Variants in GPHN observed in about 807,000 individuals in gnomAD.
GPHN encodes the protein gephyrin.
GPHN carries 17 observed loss-of-function variants against 95.5 expected under a neutral mutation model. The observed-to-expected ratio is 0.18, with a 90% CI of 0.12 to 0.27. The LOEUF (loss-of-function observed/expected upper bound fraction) is 0.27. GPHN is among the 10% of genes least tolerant of loss of function. The pLI is 1.00. For synonymous variants in GPHN, 320 were observed against 322.5 expected, an observed-to-expected ratio of 0.99 and a Z score of 0.08; for missense variants, 660 against 978.1, an observed-to-expected ratio of 0.67 and a Z score of 4.34.
At chr14:67,314,786 A>AT in the GPHN span, among the ~76,000 whole-genome samples, 6 of 152,172 alleles carry the variant, frequency 3.9e-5, no homozygotes, top group Non-Finnish European at 7.4e-5. Context: ...AATTAGACAG[A>AT]TTTTTTTAAG....
intron 2 of GPHN, among the ~76,000 whole-genome samples, chr14:66,743,947 C>T (rs1199194414): frequency 2.6e-5 from 4 of 152,068 alleles, no homozygotes; most frequent in African/African-American, 9.7e-5. Context: ...TTAAATGAAA[C>T]GATTACATTT....
chr14:66,757,786 T>C (rs950098906), intron 2 of GPHN, among the ~76,000 whole-genome samples: 6 of 152,198 alleles, frequency 3.9e-5, no homozygotes, highest in African/African-American at 1.2e-4. Flanking sequence ...AACATTATAG[T>C]TATTTTTACC....
intron 1 of GPHN, among the ~76,000 whole-genome samples, chr14:66,667,007 A>T (rs775014709): frequency 2.0e-5 from 3 of 152,210 alleles, no homozygotes; most frequent in Non-Finnish European, 4.4e-5. Flanking sequence ...TACAAGTGAG[A>T]GCCAGATCAT....
At chr14:67,457,356 G>A in the GPHN span, among the ~76,000 whole-genome samples, 9 of 152,360 alleles carry the variant, frequency 5.9e-5, no homozygotes, top group East Asian at 1.5e-3. Context: ...CAGCTTGGGA[G>A]GCTGAAGTGG....
At chr14:67,293,882 G>A in the GPHN span, among the ~76,000 whole-genome samples, 2 of 152,144 alleles carry the variant, frequency 1.3e-5, no homozygotes, top group African/African-American at 4.8e-5. Context: ...ACAACAATGG[G>A]TGAAGAAGAG....
chr14:66,890,533 C>G (rs1452268874), intron 5 of GPHN, among the ~76,000 whole-genome samples: 1 of 151,190 alleles, frequency 6.6e-6, no homozygotes, highest in Non-Finnish European at 1.5e-5. Context: ...TTTCCAAAAT[C>G]TTTTCCAAAA....
chr14:67,037,554 A>C (rs2074483302), intron 10 of GPHN, among the ~76,000 whole-genome samples: 2 of 151,982 alleles, frequency 1.3e-5, no homozygotes, highest in Non-Finnish European at 2.9e-5. Flanking sequence ...ATATCTGATA[A>C]GGGGTTAATA....
chr14:66,651,889 C>A (rs1353595613), intron 1 of GPHN, among the ~76,000 whole-genome samples: 1 of 151,608 alleles, frequency 6.6e-6, no homozygotes, highest in Non-Finnish European at 1.5e-5. Context: ...CTCACTGATT[C>A]AACATTATGG....
the GPHN span, among the ~76,000 whole-genome samples, chr14:67,602,316 G>C: frequency 2.6e-5 from 4 of 152,130 alleles, no homozygotes; most frequent in Non-Finnish European, 2.9e-5. Context: ...ACCAGCATGG[G>C]GGAAATCCGT....
At chr14:67,509,858 A>C in the GPHN span, among the ~76,000 whole-genome samples, 2 of 152,122 alleles carry the variant, frequency 1.3e-5, no homozygotes, top group Non-Finnish European at 2.9e-5. Context: ...CCATATAAAC[A>C]ATTTTAAAAG....
At chr14:67,182,417 G>A (rs7161087), downstream of GPHN, among the ~76,000 whole-genome samples, 582 of 152,162 alleles carry the variant, frequency 3.8e-3, 5 homozygotes, top group African/African-American at 0.013. Context: ...TGGCCTACTA[G>A]TAAACAAAAT....
At chr14:67,724,609 A>G in the GPHN span, 1 of 1,553,240 alleles carries the variant, frequency 6.4e-7, no homozygotes, top group Non-Finnish European at 8.9e-7. Context: ...TTTCCCCTTT[A>G]GTCTCCAAAG....
intron 9 of GPHN, among the ~76,000 whole-genome samples, chr14:67,013,548 G>A (rs2073129740): frequency 6.6e-6 from 1 of 151,970 alleles, no homozygotes. Flanking sequence ...GTAATACTAG[G>A]CATCAGAATG....
chr14:67,201,019 G>C, the GPHN span, among the ~76,000 whole-genome samples: 2 of 152,148 alleles, frequency 1.3e-5, no homozygotes, highest in African/African-American at 4.8e-5. Flanking sequence ...AATTAGGCTG[G>C]GTGCAGTGGC....
intron 1 of GPHN, among the ~76,000 whole-genome samples, chr14:66,604,148 CAT>C (rs1409247518): frequency 6.6e-6 from 1 of 151,982 alleles, no homozygotes; most frequent in African/African-American, 2.4e-5. Context: ...ATAGAGTCCT[CAT>C]GTGTCATAGA....
intron 8 of GPHN, among the ~76,000 whole-genome samples, chr14:66,954,111 A>G (rs1008712237): frequency 6.6e-6 from 1 of 150,994 alleles, no homozygotes; most frequent in African/African-American, 2.4e-5. Context: ...AGATTGTTTT[A>G]GCTATTAGGT....
the GPHN span, among the ~76,000 whole-genome samples, chr14:67,328,631 A>C: frequency 6.6e-6 from 1 of 152,162 alleles, no homozygotes; most frequent in Non-Finnish European, 1.5e-5. Flanking sequence ...TAAGTCTTTA[A>C]TCCATCTTGA....
the GPHN span, among the ~76,000 whole-genome samples, chr14:67,700,894 G>C: frequency 6.0e-5 from 9 of 150,690 alleles, no homozygotes; most frequent in Non-Finnish European, 1.3e-4. Context: ...GCACGGCGGC[G>C]AATGCCTCTA....
chr14:67,683,080 C>A, the GPHN span, among the ~76,000 whole-genome samples: 1 of 152,088 alleles, frequency 6.6e-6, no homozygotes, highest in African/African-American at 2.4e-5. Context: ...GAAAGAAGAG[C>A]CAGTGCAAAA....
Sources: allele counts gnomAD v4.1 joint callset (sites outside exome capture counted in the v4.1 genomes callset), GRCh38; gene constraint gnomAD v4.1.1; transcripts MANE v1.5; gene names NCBI Gene and HGNC (gene_info 2026-07-23, HGNC 2026-07-21).